Variants in BMPER observed in about 807,000 individuals in gnomAD.
The protein encoded by BMPER is BMP-binding endothelial regulator protein.
In BMPER, 45 loss-of-function variants were observed where a neutral mutation model predicts 87.3. The observed-to-expected ratio is 0.52, with a 90% confidence interval of 0.41 to 0.66. The LOEUF is 0.66. Ranked by LOEUF, BMPER falls within the 30% of genes least tolerant of loss-of-function variation. The pLI, the probability that BMPER is intolerant of heterozygous loss-of-function variation, is 0.00. For synonymous variants in BMPER, 326 were observed against 316.2 expected (o/e 1.03, Z -0.33); for missense variants, 784 against 867.5 (o/e 0.90, Z 1.21).
chr7:34,061,080 T>G (rs1788424320), intron 10 of BMPER, among the ~76,000 whole-genome samples: 1 of 152,204 alleles, frequency 6.6e-6, no homozygotes, highest in South Asian at 2.1e-4. Flanking sequence ...ATAACAGTGA[T>G]TATAAAATCT....
chr7:33,906,066 TTTGTGCAG>T (rs1336883570), intron 1 of BMPER, among the ~76,000 whole-genome samples: 1 of 152,224 alleles, frequency 6.6e-6, no homozygotes, highest in Non-Finnish European at 1.5e-5. Flanking sequence ...AGGAAAAAAA[TTTGTGCAG>T]TTTTCCGCAC....
At chr7:34,074,579 T>C in intron 11 of BMPER, among the ~76,000 whole-genome samples, 1 of 152,332 alleles carries the variant, frequency 6.6e-6, no homozygotes, top group South Asian at 2.1e-4. Context: ...GTGGGGCCTG[T>C]TTCCCTGCAG....
At chr7:33,981,530 A>G (rs900513479) in intron 6 of BMPER, among the ~76,000 whole-genome samples, 1 of 152,174 alleles carries the variant, frequency 6.6e-6, no homozygotes, top group Admixed American at 6.5e-5. Flanking sequence ...ATGATTTGTA[A>G]TTAGATATTT....
chr7:34,076,338 A>G (rs925387307), intron 11 of BMPER, among the ~76,000 whole-genome samples: 2 of 152,216 alleles, frequency 1.3e-5, no homozygotes, highest in African/African-American at 4.8e-5. Context: ...AAAAAACAGA[A>G]AAGCATAAGA....
At chr7:34,041,247 A>T (rs1787824723) in intron 6 of BMPER, among the ~76,000 whole-genome samples, 1 of 152,152 alleles carries the variant, frequency 6.6e-6, no homozygotes, top group Non-Finnish European at 1.5e-5. Context: ...TGTAGGGGTG[A>T]CAAAAGCATG....
chr7:34,104,307 GA>G (rs1022743291), intron 13 of BMPER, among the ~76,000 whole-genome samples: 5 of 152,088 alleles, frequency 3.3e-5, no homozygotes, highest in African/African-American at 1.2e-4. Flanking sequence ...TCCCTCAAGA[GA>G]GATAAGCTCT....
In BMPER at chr7:34,055,221, A is replaced by G; in HGVS notation, c.845A>G (p.Gln282Arg). The G allele has an allele frequency of 6.2e-7, 1 of 1,614,186 alleles. No individual in the cohort carries two copies. Among genetic ancestry groups the G allele is most frequent in the Non-Finnish European group, 8.5e-7 (1 of 1,180,030 alleles). ...CACCCTGGTGGCTGTGACCAAGGCC[A>G]GGAGGGCTGTTGTGAAGAGTGCCTC... ...CSHPGGCDQG[Q>R]EGCCEECLLR... Residue 282 changes from glutamine to arginine, a missense_variant, in exon 9 of 15, where the codon CAG becomes CGG. By Grantham distance (43) the Gln-to-Arg change is conservative. Transcript: ENST00000649409.
chr7:33,965,556 A>G lies in BMPER; in HGVS notation c.320-923A>G, dbSNP rs911834927. ...GACCCTTTTATTTCTGCATTATCAC[A>G]TGTGTGTGTTCCTGCTTCTGTACTT... On this transcript the variant is annotated intron_variant, in intron 3 of 14. Coordinates refer to ENST00000649409, the MANE Select transcript of BMPER (RefSeq NM_001365308.1). Among the ~76,000 whole-genome samples the G allele has an allele frequency of 2.6e-5, 4 of 152,286 alleles. No homozygotes were observed. The South Asian group carries it at 6.2e-4, about 24-fold the overall frequency.
intron 6 of BMPER, among the ~76,000 whole-genome samples, chr7:33,998,354 A>G (rs914495582): frequency 5.9e-5 from 9 of 152,182 alleles, no homozygotes; most frequent in Admixed American, 1.3e-4. Context: ...GGGCCCTTCT[A>G]TGGTGTCCAG....
chr7:33,987,176 G>T (rs1786033932), intron 6 of BMPER, among the ~76,000 whole-genome samples: 1 of 152,080 alleles, frequency 6.6e-6, no homozygotes, highest in South Asian at 2.1e-4. Flanking sequence ...TGAATGAATT[G>T]ATTACACATT....
upstream of BMPER, chr7:33,905,419 G>GGC: frequency 9.1e-6 from 1 of 110,388 alleles, no homozygotes; most frequent in Non-Finnish European, 1.8e-5. Flanking sequence ...CTCCCCGGGC[G>GGC]CCCCCACACC....
At chr7:34,081,575 T>C (rs1488901348) in intron 12 of BMPER, among the ~76,000 whole-genome samples, 1 of 152,222 alleles carries the variant, frequency 6.6e-6, no homozygotes, top group East Asian at 1.9e-4. Flanking sequence ...CGAGAGAGCA[T>C]TGTCCACTTC....
intron 13 of BMPER, among the ~76,000 whole-genome samples, chr7:34,113,918 A>G (rs1276859607): frequency 6.6e-6 from 1 of 151,992 alleles, no homozygotes; most frequent in East Asian, 1.9e-4. Context: ...TTTTCCTGCT[A>G]GTTTCTTCTT....
At chr7:33,998,644 G>A (rs1442788688) in intron 6 of BMPER, among the ~76,000 whole-genome samples, 1 of 152,176 alleles carries the variant, frequency 6.6e-6, no homozygotes, top group Admixed American at 6.5e-5. Flanking sequence ...CCCTGAGAAC[G>A]TTGTGAACAA....
intron 6 of BMPER, among the ~76,000 whole-genome samples, chr7:34,034,628 G>C (rs1280229741): frequency 6.6e-6 from 1 of 152,152 alleles, no homozygotes; most frequent in East Asian, 1.9e-4. Flanking sequence ...TCCTTTTTCT[G>C]TGTTCTACTC....
At chr7:34,022,443 T>A (rs1787218395) in intron 6 of BMPER, among the ~76,000 whole-genome samples, 1 of 151,990 alleles carries the variant, frequency 6.6e-6, no homozygotes, top group South Asian at 2.1e-4. Flanking sequence ...AAATGGAGAC[T>A]TTAAAATATT....
At chr7:33,994,134 G>A (rs904741187) in intron 6 of BMPER, among the ~76,000 whole-genome samples, 2 of 152,194 alleles carry the variant, frequency 1.3e-5, no homozygotes, top group Admixed American at 1.3e-4. Context: ...TCCTTGAGCT[G>A]TGGTGGGCTC....
chr7:34,068,589 C>A (rs1788656856), intron 11 of BMPER, among the ~76,000 whole-genome samples: 1 of 152,050 alleles, frequency 6.6e-6, no homozygotes, highest in Non-Finnish European at 1.5e-5. Flanking sequence ...GCTTGGTTTT[C>A]CATTTTGTTT....
intron 6 of BMPER, among the ~76,000 whole-genome samples, chr7:34,029,661 T>G (rs1163993743): frequency 6.6e-6 from 1 of 152,124 alleles, no homozygotes; most frequent in African/African-American, 2.4e-5. Context: ...CTGAGGATTC[T>G]ATAAGGGATC....
Sources: allele counts gnomAD v4.1 joint callset (sites outside exome capture counted in the v4.1 genomes callset), GRCh38; gene constraint gnomAD v4.1.1; transcripts MANE v1.5; gene names NCBI Gene and HGNC (gene_info 2026-07-23, HGNC 2026-07-21).